CIAPIN1: variants seen among roughly 807,000 people sequenced by gnomAD.
CIAPIN1 encodes anamorsin.
A neutral mutation model predicts 34.3 loss-of-function variants in CIAPIN1; 18 were observed. That is an observed-to-expected ratio of 0.52 (90% CI 0.36 to 0.78). The LOEUF is 0.78. Ranked by LOEUF, CIAPIN1 falls within the 30% of genes least tolerant of loss-of-function variation. CIAPIN1 has a pLI of 0.00. For missense variants in CIAPIN1, 310 were observed against 372.5 expected, an observed-to-expected ratio of 0.83 and a Z score of 1.38; for synonymous variants, 131 against 140.4, an observed-to-expected ratio of 0.93 and a Z score of 0.47.
intron 1 of CIAPIN1, among the ~76,000 whole-genome samples, chr16:57,441,915 T>C (rs1903339494): frequency 6.6e-6 from 1 of 152,230 alleles, no homozygotes; most frequent in Non-Finnish European, 1.5e-5. Context: ...AAACAATTTG[T>C]GGTAGAGGAG....
intron 3 of CIAPIN1, among the ~76,000 whole-genome samples, chr16:57,437,334 T>C (rs1903226498): frequency 6.6e-6 from 1 of 152,126 alleles, no homozygotes; most frequent in Non-Finnish European, 1.5e-5. Context: ...TAGATGATTC[T>C]GCCCAACTGT....
At chr16:57,435,147 C>A (rs1005775677) in intron 4 of CIAPIN1, among the ~76,000 whole-genome samples, 2 of 152,204 alleles carry the variant, frequency 1.3e-5, no homozygotes, top group Non-Finnish European at 2.9e-5. Context: ...CATCTGAATT[C>A]TCATGAGATG....
At chr16:57,440,143 C>T (rs8056463) in intron 2 of CIAPIN1, among the ~76,000 whole-genome samples, 11,919 of 152,154 alleles carry the variant, frequency 0.078, 620 homozygotes, top group African/African-American at 0.14. Flanking sequence ...TATATGGTTG[C>T]AGATAAGGGA....
intron 4 of CIAPIN1, among the ~76,000 whole-genome samples, chr16:57,435,221 T>C (rs1903172683): frequency 6.6e-6 from 1 of 152,196 alleles, no homozygotes; most frequent in Non-Finnish European, 1.5e-5. Flanking sequence ...GATCCTGCTT[T>C]TGCCATGTGA....
At position 57,428,331 on chromosome 16, in the gene CIAPIN1, G is replaced by A. The variant is rs190531796; in HGVS notation, c.*839C>T. The A allele has an allele frequency of 1.5e-4, 23 of 152,326 alleles. No individual in the cohort carries two copies. Among genetic ancestry groups the A allele is most frequent in the African/African-American group, 5.5e-4 (23 of 41,560 alleles). 9.4% of individuals were successfully genotyped at this position (152,326 alleles called of 1,614,324 possible). On this transcript the variant is annotated 3_prime_UTR_variant, in exon 9 of 9. Transcript: ENST00000394391. ...CAAAGGGGTCTCTGCTCAGAGAGAC[G>A]TATTGTCGTTCAGAGTTCTGCCCTG...
At chr16:57,434,349 G>A in intron 4 of CIAPIN1, 137 bp from the exon 5 acceptor site, 2 of 750,154 alleles carry the variant, frequency 2.7e-6, no homozygotes, top group East Asian at 2.6e-5. Context: ...AACACTTTAT[G>A]CCTCACATTC....
intron 4 of CIAPIN1, among the ~76,000 whole-genome samples, chr16:57,435,818 C>A (rs1186496427): frequency 6.6e-6 from 1 of 151,968 alleles, no homozygotes; most frequent in East Asian, 1.9e-4. Context: ...AATTAAAAAA[C>A]AAAGAATTTA....
intron 5 of CIAPIN1, 167 bp downstream of exon 5, chr16:57,433,877 T>C (rs1307719591): frequency 8.0e-6 from 5 of 628,082 alleles, no homozygotes; most frequent in African/African-American, 3.7e-5. Context: ...TTTTGGATCC[T>C]AATATGCCCA....
At chr16:57,432,607 A>G (rs752055091) in intron 5 of CIAPIN1, 47 bp from the exon 6 acceptor site, 33 of 1,506,928 alleles carry the variant, frequency 2.2e-5, no homozygotes, top group Middle Eastern at 2.3e-4. Context: ...ACAGTCAGAA[A>G]CTATTAATTA....
At chr16:57,434,793 G>A (rs1374410007) in intron 4 of CIAPIN1, among the ~76,000 whole-genome samples, 1 of 152,164 alleles carries the variant, frequency 6.6e-6, no homozygotes, top group East Asian at 1.9e-4. Flanking sequence ...ATATCTAAGG[G>A]TGGGAAAAAA....
chr16:57,430,227 G>C, intron 8 of CIAPIN1, 31 bp downstream of exon 8: 1 of 1,593,346 alleles, frequency 6.3e-7, no homozygotes, highest in Middle Eastern at 1.7e-4. Context: ...CTGGGGGTTT[G>C]TGAATGCTGA....
chr16:57,436,138 A>C (rs1903193478), intron 4 of CIAPIN1, among the ~76,000 whole-genome samples: 1 of 152,170 alleles, frequency 6.6e-6, no homozygotes. Context: ...CCACCACTAA[A>C]CTAGTACCAA....
intron 1 of CIAPIN1, 97 bp from the exon 2 acceptor site, chr16:57,441,080 A>G: frequency 1.5e-6 from 1 of 684,802 alleles, no homozygotes; most frequent in Non-Finnish European, 2.4e-6. Flanking sequence ...GAATGCTGAC[A>G]ACATTAGAAA....
In CIAPIN1 at chr16:57,434,216, G is replaced by C. The variant is rs754192086; in HGVS notation, c.388-4C>G. The C allele has an allele frequency of 1.7e-5, 28 of 1,613,588 alleles. No homozygotes were observed. The highest frequency in any genetic ancestry group is 3.3e-4 in the Middle Eastern group (2 of 6,082). On this transcript the variant is annotated splice_region_variant and splice_polypyrimidine_tract_variant and intron_variant, in intron 4 of 8. Transcript: ENST00000394391. ...GGGTTAGGGGCTCCCGCTGCAGCTA[G>C]AATTCAAGACATCAAAAGGATTAGT...
At chr16:57,446,629 A>G (rs2030083187) in intron 1 of CIAPIN1, among the ~76,000 whole-genome samples, 1 of 152,166 alleles carries the variant, frequency 6.6e-6, no homozygotes, top group African/African-American at 2.4e-5. Flanking sequence ...TCCTTGAGCC[A>G]TCCAGAGCTT....
At chr16:57,442,498 T>C (rs1021806418) in intron 1 of CIAPIN1, among the ~76,000 whole-genome samples, 1 of 151,834 alleles carries the variant, frequency 6.6e-6, no homozygotes, top group Non-Finnish European at 1.5e-5. Flanking sequence ...CCATCTCTAC[T>C]AAAAATACAA....
At chr16:57,446,940 G>A (rs2030101537) in intron 1 of CIAPIN1, among the ~76,000 whole-genome samples, 1 of 152,210 alleles carries the variant, frequency 6.6e-6, no homozygotes, top group African/African-American at 2.4e-5. Context: ...GGAACCCCCA[G>A]GGACCAAAAC....
intron 6 of CIAPIN1, 112 bp downstream of exon 6, chr16:57,432,375 A>G: frequency 1.2e-6 from 1 of 823,814 alleles, no homozygotes; most frequent in Non-Finnish European, 1.9e-6. Context: ...ATAGTCACAA[A>G]TCTGGGCTTT....
rs571218937 is a variant in CIAPIN1, at chr16:57,428,863, A to G, written c.*307T>C. 1 of 264,672 alleles carries G rather than the reference A, an allele frequency of 3.8e-6. No individual in the cohort carries two copies. Among genetic ancestry groups the G allele is most frequent in the African/African-American group, 2.2e-5 (1 of 45,164 alleles). 16.4% of individuals were successfully genotyped at this position (264,672 alleles called of 1,614,324 possible). A position where few individuals can be genotyped will look rare whatever the true frequency, so the allele number is the denominator to read the frequency against. On this transcript the variant is annotated 3_prime_UTR_variant, in exon 9 of 9. Coordinates refer to ENST00000394391, the MANE Select transcript of CIAPIN1 (RefSeq NM_020313.4). Reference sequence around the variant, plus strand: ...ATGCTCAACGATGCCTGGGCTCAAGAGCGTTCTGGTCAGCATTTTAACATC... The same window carrying G: ...ATGCTCAACGATGCCTGGGCTCAAGGGCGTTCTGGTCAGCATTTTAACATC...
Sources: allele counts gnomAD v4.1 joint callset (sites outside exome capture counted in the v4.1 genomes callset), GRCh38; gene constraint gnomAD v4.1.1; transcripts MANE v1.5; gene names NCBI Gene and HGNC (gene_info 2026-07-23, HGNC 2026-07-21).